The following HAPLN1 variants were observed in gnomAD, a reference collection of about 807,000 sequenced individuals.
HAPLN1 encodes the protein Cartilage link protein.
HAPLN1 carries 13 observed loss-of-function variants against 36.5 expected under a neutral mutation model. That is an observed-to-expected ratio of 0.36 (90% confidence interval 0.23 to 0.57). HAPLN1 has a LOEUF of 0.57. HAPLN1 is among the 20% of genes least tolerant of loss of function. The pLI is 0.83. For synonymous variants in HAPLN1, 202 were observed against 169.8 expected, an observed-to-expected ratio of 1.19 and a Z score of -1.48; for missense variants, 407 against 439.7, an observed-to-expected ratio of 0.93 and a Z score of 0.66.
chr5:83,710,344 C>T (rs977602015), intron 1 of HAPLN1, among the ~76,000 whole-genome samples: 50 of 151,994 alleles, frequency 3.3e-4, no homozygotes, highest in Non-Finnish European at 5.3e-4. Flanking sequence ...GAAAGAATGA[C>T]GCCACAAAGC....
chr5:83,673,822 A>G (rs1750791830), intron 1 of HAPLN1: 1 of 293,166 alleles, frequency 3.4e-6, no homozygotes, highest in African/African-American at 2.3e-5. Flanking sequence ...TAGTTTGGAT[A>G]GAGAATTACA....
chr5:83,656,499 C>T (rs757668320), intron 2 of HAPLN1, among the ~76,000 whole-genome samples: 1 of 151,480 alleles, frequency 6.6e-6, no homozygotes, highest in Non-Finnish European at 1.5e-5. Context: ...TGTCCATTTC[C>T]CCTTTTCCTT....
At chr5:83,667,787 C>T (rs143680449) in intron 2 of HAPLN1, among the ~76,000 whole-genome samples, 1 of 152,314 alleles carries the variant, frequency 6.6e-6, no homozygotes, top group East Asian at 1.9e-4. Flanking sequence ...GCAGTTATTA[C>T]ATAAGGAACA....
In HAPLN1 at chr5:83,659,189, G is replaced by A. The variant is rs188195581; in HGVS notation, c.101-6365C>T. Reference sequence around the variant, plus strand: ...CTTGGGAGGCCGAGGCAGGAGAATCGCTTGAATCTGGGAGGCGGAGGTTGC... The same window carrying A: ...CTTGGGAGGCCGAGGCAGGAGAATCACTTGAATCTGGGAGGCGGAGGTTGC... On this transcript the variant is annotated intron_variant, in intron 2 of 4. Transcript: ENST00000274341. Among the ~76,000 whole-genome samples, 867 of 152,006 alleles carry A rather than the reference G, an allele frequency of 5.7e-3. 12 individuals are homozygous for A. The highest frequency in any genetic ancestry group is 0.02 in the African/African-American group (829 of 41,412).
At chr5:83,716,477 G>A (rs1751914229) in intron 1 of HAPLN1, among the ~76,000 whole-genome samples, 1 of 152,166 alleles carries the variant, frequency 6.6e-6, no homozygotes, top group Admixed American at 6.5e-5. Context: ...AAAACAATCA[G>A]TGGAGTCTCA....
chr5:83,684,600 G>A (rs1751077899), intron 1 of HAPLN1, among the ~76,000 whole-genome samples: 1 of 152,126 alleles, frequency 6.6e-6, no homozygotes, highest in South Asian at 2.1e-4. Context: ...GGATATTGCT[G>A]CTTAATCATA....
At chr5:83,670,788 G>A (rs1021696862) in intron 2 of HAPLN1, among the ~76,000 whole-genome samples, 2 of 151,786 alleles carry the variant, frequency 1.3e-5, no homozygotes, top group Non-Finnish European at 2.9e-5. Flanking sequence ...TCTGCTTCCC[G>A]GGTTCAGGCA....
chr5:83,653,829 C>G (rs929708726), intron 2 of HAPLN1, among the ~76,000 whole-genome samples: 1 of 152,226 alleles, frequency 6.6e-6, no homozygotes, highest in Non-Finnish European at 1.5e-5. Context: ...TTCCCCCTGG[C>G]TAGCACATTG....
chr5:83,695,171 G>C (rs1480227473), intron 1 of HAPLN1, among the ~76,000 whole-genome samples: 1 of 152,222 alleles, frequency 6.6e-6, no homozygotes, highest in South Asian at 2.1e-4. Context: ...TGTCACCCAG[G>C]CTGGGGTGCA....
chr5:83,664,600 C>A (rs937724285), intron 2 of HAPLN1, among the ~76,000 whole-genome samples: 2 of 152,126 alleles, frequency 1.3e-5, no homozygotes, highest in Admixed American at 6.5e-5. Flanking sequence ...CCAGGCTGGT[C>A]TTAAACTCCT....
At chr5:83,688,764 A>G (rs1257163365) in intron 1 of HAPLN1, among the ~76,000 whole-genome samples, 2 of 149,456 alleles carry the variant, frequency 1.3e-5, no homozygotes, top group Non-Finnish European at 3.0e-5. Flanking sequence ...CTAGAAAATG[A>G]TGCATTCAGG....
rs1175945585 is a variant in HAPLN1 at position 83,664,759 on chromosome 5, AATG to A, written c.100+8662_100+8664del. Among the ~76,000 whole-genome samples, 4 of 152,344 alleles carry A rather than the reference AATG, an allele frequency of 2.6e-5. No homozygotes were observed. The East Asian group carries it at 5.8e-4, about 22-fold the overall frequency. On this transcript the variant is annotated intron_variant, in intron 2 of 4. Coordinates refer to ENST00000274341, the MANE Select transcript of HAPLN1 (RefSeq NM_001884.4). ...ATTCAATTATGTACATAAGCCAAAT[AATG>A]AGTTATAAGAAAAAAGGCCGAAGTT...
At chr5:83,696,701 T>C (rs1211793031) in intron 1 of HAPLN1, among the ~76,000 whole-genome samples, 2 of 152,150 alleles carry the variant, frequency 1.3e-5, no homozygotes, top group Non-Finnish European at 2.9e-5. Flanking sequence ...TGTGTATAAT[T>C]TTAAATATAT....
chr5:83,646,929 T>A (rs1423770666), intron 3 of HAPLN1, among the ~76,000 whole-genome samples: 1 of 152,230 alleles, frequency 6.6e-6, no homozygotes, highest in African/African-American at 2.4e-5. Flanking sequence ...AATCTCAAAG[T>A]ATCTCAACCT....
intron 4 of HAPLN1, among the ~76,000 whole-genome samples, chr5:83,643,059 C>G (rs1749749688): frequency 6.6e-6 from 1 of 152,044 alleles, no homozygotes; most frequent in Admixed American, 6.5e-5. Context: ...CACAGCGGCT[C>G]ACGTCTGTAA....
intron 1 of HAPLN1, among the ~76,000 whole-genome samples, chr5:83,687,988 A>G (rs934046787): frequency 2.0e-5 from 3 of 152,170 alleles, no homozygotes; most frequent in Non-Finnish European, 4.4e-5. Flanking sequence ...GGGATGAGGT[A>G]AATTTGCTTT....
intron 2 of HAPLN1, among the ~76,000 whole-genome samples, chr5:83,662,046 G>T (rs1750414634): frequency 6.6e-6 from 1 of 152,080 alleles, no homozygotes; most frequent in Non-Finnish European, 1.5e-5. Flanking sequence ...GGGATTATAG[G>T]CACCCGCCAC....
intron 4 of HAPLN1, among the ~76,000 whole-genome samples, chr5:83,642,302 C>T (rs1749725043): frequency 1.3e-5 from 2 of 152,144 alleles, no homozygotes; most frequent in East Asian, 3.9e-4. Context: ...CATTCAAAGA[C>T]TACGTATGAA....
intron 1 of HAPLN1, among the ~76,000 whole-genome samples, chr5:83,710,143 C>A (rs60631271): frequency 0.029 from 4,446 of 152,144 alleles, 239 homozygotes; most frequent in African/African-American, 0.1. Flanking sequence ...ATGTGGGAGT[C>A]GCCAGCACAT....
Sources: allele counts gnomAD v4.1 joint callset (sites outside exome capture counted in the v4.1 genomes callset), GRCh38; gene constraint gnomAD v4.1.1; transcripts MANE v1.5; gene names NCBI Gene and HGNC (gene_info 2026-07-23, HGNC 2026-07-21).